The following RBFOX1 variants were observed in gnomAD, a reference collection of about 807,000 sequenced individuals.
The protein encoded by RBFOX1 is RNA binding protein fox-1 homolog 1.
A neutral mutation model predicts 57.7 loss-of-function variants in RBFOX1; 8 were observed. The observed-to-expected ratio is 0.14, with a 90% CI of 0.08 to 0.25. The LOEUF (loss-of-function observed/expected upper bound fraction) is 0.25. Among genes scored for constraint, RBFOX1 ranks in the 10% least tolerant of loss-of-function variants. The pLI is 1.00. For missense variants in RBFOX1, 611 were observed against 548.5 expected, an observed-to-expected ratio of 1.11 and a Z score of -1.14; for synonymous variants, 326 against 222.4, an observed-to-expected ratio of 1.47 and a Z score of -4.15.
intron 4 of RBFOX1, among the ~76,000 whole-genome samples, chr16:7,289,903 G>A (rs755575880): frequency 6.6e-6 from 1 of 152,134 alleles, no homozygotes; most frequent in African/African-American, 2.4e-5. Flanking sequence ...GAACCAGGAG[G>A]TCTGCCTCCC....
chr16:6,319,301 T>G (rs553101682), intron 2 of RBFOX1, among the ~76,000 whole-genome samples: 2 of 152,204 alleles, frequency 1.3e-5, no homozygotes, highest in Non-Finnish European at 2.9e-5. Context: ...AATTTGGTTA[T>G]TCTTGTTTAA....
At chr16:6,549,156 G>GA (rs1200053863) in intron 2 of RBFOX1, among the ~76,000 whole-genome samples, 16 of 24,512 alleles carry the variant, frequency 6.5e-4, no homozygotes, top group African/African-American at 5.2e-3. Context: ...GAAGGAGGAG[G>GA]GGGGGGGAAG....
At chr16:7,320,238 C>A (rs1237066156) in intron 4 of RBFOX1, among the ~76,000 whole-genome samples, 1 of 152,020 alleles carries the variant, frequency 6.6e-6, no homozygotes, top group Non-Finnish European at 1.5e-5. Flanking sequence ...TCCCCCACCA[C>A]CCCCTACAGG....
intron 3 of RBFOX1, among the ~76,000 whole-genome samples, chr16:5,630,509 G>A (rs2048473471): frequency 6.6e-6 from 1 of 152,060 alleles, no homozygotes; most frequent in African/African-American, 2.4e-5. Flanking sequence ...GACATCAGAT[G>A]TGCCCCACCA....
At chr16:5,651,042 T>TC (rs1284914480) in intron 3 of RBFOX1, among the ~76,000 whole-genome samples, 5 of 57,576 alleles carry the variant, frequency 8.7e-5, no homozygotes, top group African/African-American at 4.2e-4. Flanking sequence ...ACCTCCTTCT[T>TC]TTTTTTTTTT....
chr16:5,327,098 G>A lies in RBFOX1; in HGVS notation c.219+86993G>A, dbSNP rs80208981. Among the ~76,000 whole-genome samples the A allele has an allele frequency of 7.2e-3, 1,102 of 152,320 alleles. 7 individuals carry two copies. Among genetic ancestry groups the A allele is most frequent in the Non-Finnish European group, 0.011 (770 of 68,030 alleles). On this transcript the variant is annotated intron_variant, in intron 1 of 2. Coordinates refer to the RBFOX1 transcript ENST00000585867. ...GGAGATCGGTAGTTCTGACCGAGGAGCTGAATACTTATTATTTATGGAACA... is the reference window on the plus strand; with the variant it reads ...GGAGATCGGTAGTTCTGACCGAGGAACTGAATACTTATTATTTATGGAACA...
chr16:5,820,615 G>T (rs1040747564), intron 3 of RBFOX1, among the ~76,000 whole-genome samples: 2 of 152,138 alleles, frequency 1.3e-5, no homozygotes, highest in South Asian at 4.2e-4. Flanking sequence ...CTGAAAATGA[G>T]CTTGGTGAGA....
At chr16:6,913,219 T>C (rs911465684) in intron 3 of RBFOX1, among the ~76,000 whole-genome samples, 6 of 152,186 alleles carry the variant, frequency 3.9e-5, no homozygotes, top group African/African-American at 1.4e-4. Flanking sequence ...AAACAGGGTA[T>C]CGGAAATTAT....
At chr16:5,615,113 C>T (rs1177284628) in intron 3 of RBFOX1, among the ~76,000 whole-genome samples, 1 of 152,200 alleles carries the variant, frequency 6.6e-6, no homozygotes, top group Non-Finnish European at 1.5e-5. Flanking sequence ...TAGCTCACTG[C>T]AGCCTTGAAC....
chr16:6,974,736 T>C (rs2086425126), intron 3 of RBFOX1, among the ~76,000 whole-genome samples: 1 of 152,138 alleles, frequency 6.6e-6, no homozygotes, highest in African/African-American at 2.4e-5. Context: ...TTCTTATCTC[T>C]TAACTGAAAC....
At chr16:6,478,429 A>ATATATATTTTTT (rs1159954387) in intron 2 of RBFOX1, among the ~76,000 whole-genome samples, 15 of 24,590 alleles carry the variant, frequency 6.1e-4, no homozygotes, top group Non-Finnish European at 9.4e-4. Context: ...ATATATATAT[A>ATATATATTTTTT]TTTTTTTTTT....
intron 5 of RBFOX1, among the ~76,000 whole-genome samples, chr16:7,525,286 T>C (rs12933105): frequency 0.52 from 79,154 of 152,040 alleles, 24,835 homozygotes; most frequent in Non-Finnish European, 0.72. Flanking sequence ...GGTTCAGTCA[T>C]TATTTTGTGT....
At chr16:6,940,698 C>T (rs1222659374) in intron 3 of RBFOX1, among the ~76,000 whole-genome samples, 1 of 151,858 alleles carries the variant, frequency 6.6e-6, no homozygotes, top group East Asian at 1.9e-4. Flanking sequence ...CCCGGGTTCA[C>T]GCCATTCTCC....
intron 4 of RBFOX1, among the ~76,000 whole-genome samples, chr16:7,473,956 CG>C (rs1451684615): frequency 6.6e-6 from 1 of 152,084 alleles, no homozygotes; most frequent in Non-Finnish European, 1.5e-5. Flanking sequence ...GGCAAGCAAT[CG>C]AGACGTTATT....
chr16:5,916,203 A>AG (rs397951930), intron 4 of RBFOX1, among the ~76,000 whole-genome samples: 1 of 151,802 alleles, frequency 6.6e-6, no homozygotes, highest in Non-Finnish European at 1.5e-5. Flanking sequence ...TAGCAAAAAA[A>AG]CCCAGATGAA....
chr16:6,187,444 A>G (rs1383964864), intron 1 of RBFOX1, among the ~76,000 whole-genome samples: 1 of 152,196 alleles, frequency 6.6e-6, no homozygotes, highest in Non-Finnish European at 1.5e-5. Flanking sequence ...TTGGGAATTT[A>G]GGCGGAAGTC....
chr16:7,264,320 G>A (rs976750895), intron 4 of RBFOX1, among the ~76,000 whole-genome samples: 1 of 152,166 alleles, frequency 6.6e-6, no homozygotes, highest in Non-Finnish European at 1.5e-5. Flanking sequence ...AAACAAATGA[G>A]CAGAATTCAT....
At chr16:5,318,013 G>T (rs190186412) in intron 1 of RBFOX1, among the ~76,000 whole-genome samples, 126 of 152,334 alleles carry the variant, frequency 8.3e-4, no homozygotes, top group African/African-American at 2.6e-3. Context: ...GGGAATGCAG[G>T]TGCAGGAAGG....
At chr16:6,917,889 G>C (rs191641345) in intron 3 of RBFOX1, among the ~76,000 whole-genome samples, 1 of 152,168 alleles carries the variant, frequency 6.6e-6, no homozygotes, top group African/African-American at 2.4e-5. Flanking sequence ...GACACAAGTC[G>C]AAAGAGGGAC....
Sources: gnomAD v4.1 joint callset for allele counts (sites outside exome capture counted in the v4.1 genomes callset) on GRCh38, gnomAD v4.1.1 for gene constraint, MANE v1.5 for transcripts, NCBI Gene and HGNC (gene_info 2026-07-23, HGNC 2026-07-21) for gene names.